The following DOCK10 variants were observed in gnomAD, a reference collection of about 807,000 sequenced individuals.
The protein encoded by DOCK10 is dedicator of cytokinesis 10.
In DOCK10, 145 loss-of-function variants were observed where a neutral mutation model predicts 280.1. That is an observed-to-expected ratio of 0.52 (90% CI 0.45 to 0.59). DOCK10 has a LOEUF of 0.59. DOCK10 is among the 20% of genes least tolerant of loss of function. The pLI is 0.00. For synonymous variants in DOCK10, 915 were observed against 942.2 expected, an observed-to-expected ratio of 0.97 and a Z score of 0.53; for missense variants, 2,368 against 2,651.7, an observed-to-expected ratio of 0.89 and a Z score of 2.35.
chr2:224,961,514 A>ATT lies in DOCK10; in HGVS notation c.124-29848_124-29847dup, dbSNP rs201581266. Among the ~76,000 whole-genome samples the ATT allele has an allele frequency of 7.0e-4, 55 of 78,736 alleles. 1 individual carries two copies. The highest frequency in any genetic ancestry group is 2.2e-3 in the African/African-American group (41 of 18,384). 51.7% of individuals were successfully genotyped at this position (78,736 alleles called of 152,430 possible). A position where few individuals can be genotyped will look rare whatever the true frequency, so the allele number is the denominator to read the frequency against. ...TCTTTCCTTCCTTCCTTCTTTCTTC[A>ATT]TTTTTTTTTTTGAGACGGAGCCTCG... On this transcript the variant is annotated intron_variant, in intron 1 of 55. Transcript: ENST00000258390.
intron 1 of DOCK10, among the ~76,000 whole-genome samples, chr2:225,027,748 G>A (rs1406542358): frequency 1.3e-5 from 2 of 152,190 alleles, no homozygotes; most frequent in African/African-American, 2.4e-5. Context: ...GGAACTGTAT[G>A]TGAGCCAATT....
chr2:224,992,005 C>T (rs16866414), intron 1 of DOCK10, among the ~76,000 whole-genome samples: 12,035 of 152,078 alleles, frequency 0.079, 1,594 homozygotes, highest in African/African-American at 0.27. Context: ...CAAGAAAAAC[C>T]AAATTATGTC....
chr2:224,886,203 T>C lies in DOCK10; in HGVS notation c.490-18A>G, dbSNP rs1462479042. 2 of 1,613,488 alleles carry C rather than the reference T, an allele frequency of 1.2e-6. No homozygotes were observed. The highest frequency in any genetic ancestry group is 2.7e-5 in the African/African-American group (2 of 74,908). On this transcript the variant is annotated intron_variant, in intron 5 of 55. Transcript: ENST00000258390. ...GTGGTATCCTGTAGGAAAGGCATAG[T>C]AGCATGACAGCCATCTTTTGTGGAT...
At chr2:224,886,886 A>ACCCCCCCCCCCCCC (rs879598680) in intron 4 of DOCK10, among the ~76,000 whole-genome samples, 4 of 135,188 alleles carry the variant, frequency 3.0e-5, no homozygotes, top group African/African-American at 1.2e-4. Flanking sequence ...AGCACCCCCA[A>ACCCCCCCCCCCCCC]CACCCCCCCA....
At position 224,845,541 on chromosome 2, in the gene DOCK10, CT is replaced by C. The variant is rs1559545338; in HGVS notation, c.2336del (p.Lys779ArgfsTer16). 1 of 1,612,564 alleles carries C rather than the reference CT, an allele frequency of 6.2e-7. No individual in the cohort carries two copies. Among genetic ancestry groups the C allele is most frequent in the African/African-American group, 1.3e-5 (1 of 74,930 alleles). On this transcript the variant is annotated frameshift_variant, in exon 20 of 56. Coordinates refer to ENST00000258390, the MANE Select transcript of DOCK10 (RefSeq NM_014689.3). LOFTEE classifies it high-confidence loss of function. Reference sequence around the variant, plus strand: ...TACCTGACGTTTCCAGAGCCTCCTTCTTTTTGGCATTAGCTTTTGCATTGAT... The same window carrying C: ...TACCTGACGTTTCCAGAGCCTCCTTCTTTTGGCATTAGCTTTTGCATTGAT... ...CDINAKANAK[K>X]KEALETSVGY...
At chr2:224,992,834 C>T (rs1198804628) in intron 1 of DOCK10, among the ~76,000 whole-genome samples, 5 of 152,158 alleles carry the variant, frequency 3.3e-5, no homozygotes, top group African/African-American at 1.2e-4. Flanking sequence ...AGAATAGATG[C>T]CATGAGTTCT....
intron 1 of DOCK10, among the ~76,000 whole-genome samples, chr2:225,021,799 G>A (rs910245220): frequency 5.9e-5 from 9 of 152,140 alleles, no homozygotes; most frequent in Non-Finnish European, 4.4e-5. Context: ...CTTCAGTATT[G>A]TTAAGAAAAT....
chr2:224,928,262 G>A (rs1348012858), intron 2 of DOCK10, among the ~76,000 whole-genome samples: 4 of 137,612 alleles, frequency 2.9e-5, no homozygotes, highest in East Asian at 2.1e-4. Flanking sequence ...TCTGTAAAGC[G>A]TCAAAGAATA....
intron 22 of DOCK10, among the ~76,000 whole-genome samples, chr2:224,844,287 T>C (rs1341099858): frequency 6.6e-6 from 1 of 152,078 alleles, no homozygotes; most frequent in East Asian, 1.9e-4. Context: ...TGCGTCACCA[T>C]GCCTGACTAA....
At chr2:224,991,664 C>T (rs1173966311) in intron 1 of DOCK10, among the ~76,000 whole-genome samples, 4 of 152,090 alleles carry the variant, frequency 2.6e-5, no homozygotes, top group African/African-American at 9.7e-5. Flanking sequence ...TTCTCTTCAC[C>T]AGCCCATGAG....
intron 1 of DOCK10, among the ~76,000 whole-genome samples, chr2:225,003,877 T>C (rs1255125762): frequency 7.2e-5 from 11 of 152,228 alleles, no homozygotes; most frequent in Admixed American, 6.5e-5. Flanking sequence ...GAGTTTTACA[T>C]CTGCTCTACA....
chr2:224,955,568 T>G (rs1703989253), intron 1 of DOCK10, among the ~76,000 whole-genome samples: 1 of 152,246 alleles, frequency 6.6e-6, no homozygotes, highest in South Asian at 2.1e-4. Flanking sequence ...AATGCATTTG[T>G]GTCTTTTAAG....
At position 224,844,839 on chromosome 2, in the gene DOCK10, G is replaced by T; in HGVS notation, c.2482C>A (p.His828Asn). Residue 828 changes from histidine (H) to asparagine (N), a missense_variant and splice_region_variant, in exon 22 of 56, where the codon CAT becomes AAT. Transcript: ENST00000258390. ...ACCCATTTAATGTCACTCCCACCATGCTGCAAAATAAAGTTTGTTTACTGT... is the reference window on the plus strand; with the variant it reads ...ACCCATTTAATGTCACTCCCACCATTCTGCAAAATAAAGTTTGTTTACTGT... ...LSFQDSASGKHGGSDIKWVDG... is the reference protein window; with the variant it reads ...LSFQDSASGKNGGSDIKWVDG... 1 of 1,603,252 alleles carries T rather than the reference G, an allele frequency of 6.2e-7. No individual in the cohort carries two copies. Among genetic ancestry groups the T allele is most frequent in the Non-Finnish European group, 8.5e-7 (1 of 1,173,652 alleles).
chr2:224,802,112 C>T (rs1200223737), intron 39 of DOCK10, 72 bp from the exon 40 acceptor site: 2 of 1,500,390 alleles, frequency 1.3e-6, no homozygotes, highest in Non-Finnish European at 1.8e-6. Context: ...TGTTCATTCT[C>T]AAATGTTCTA....
intron 25 of DOCK10, among the ~76,000 whole-genome samples, 195 bp from the exon 26 acceptor site, chr2:224,834,458 C>T (rs575129226): frequency 6.6e-6 from 1 of 152,286 alleles, no homozygotes; most frequent in East Asian, 1.9e-4. Context: ...GGGCCTTGCT[C>T]ACCTAAGCTC....
At chr2:224,913,534 A>G (rs1302954903) in intron 3 of DOCK10, among the ~76,000 whole-genome samples, 2 of 152,138 alleles carry the variant, frequency 1.3e-5, no homozygotes, top group South Asian at 2.1e-4. Flanking sequence ...CAAAAGACAT[A>G]ATGAGTTACA....
At chr2:224,841,471 C>T (rs1215136164) in intron 23 of DOCK10, among the ~76,000 whole-genome samples, 2 of 151,968 alleles carry the variant, frequency 1.3e-5, no homozygotes, top group Non-Finnish European at 2.9e-5. Flanking sequence ...CCACCTTTAT[C>T]TGGCTTTATT....
chr2:224,992,337 T>C (rs1409196104), intron 1 of DOCK10, among the ~76,000 whole-genome samples: 2 of 152,200 alleles, frequency 1.3e-5, no homozygotes, highest in African/African-American at 4.8e-5. Flanking sequence ...AACATGAAAA[T>C]GGCAGTCTTT....
chr2:224,912,728 T>C (rs995670522), intron 3 of DOCK10, among the ~76,000 whole-genome samples: 1 of 152,122 alleles, frequency 6.6e-6, no homozygotes, highest in African/African-American at 2.4e-5. Flanking sequence ...CTCCTAACAA[T>C]ATATTATGGG....
Sources: gnomAD v4.1 joint callset for allele counts (sites outside exome capture counted in the v4.1 genomes callset) on GRCh38, gnomAD v4.1.1 for gene constraint, MANE v1.5 for transcripts, NCBI Gene and HGNC (gene_info 2026-07-23, HGNC 2026-07-21) for gene names.